Variants in FAT3 observed in about 807,000 individuals in gnomAD.
FAT3 encodes the protein FAT atypical cadherin 3, also known as protocadherin Fat 3.
In FAT3, 95 loss-of-function variants were observed where a neutral mutation model predicts 310.2. That is an observed-to-expected ratio of 0.31 (90% CI 0.26 to 0.36). The LOEUF (loss-of-function observed/expected upper bound fraction) is 0.36. Among genes scored for constraint, FAT3 ranks in the 10% least tolerant of loss-of-function variants. The pLI, the probability that FAT3 is intolerant of heterozygous loss-of-function variation, is 1.00. For synonymous variants in FAT3, 2,314 were observed against 2,192.9 expected (o/e 1.06, Z -1.54); for missense variants, 5,408 against 5,715.6 (o/e 0.95, Z 1.74).
intron 4 of FAT3, among the ~76,000 whole-genome samples, chr11:92,728,293 C>G (rs1161463246): frequency 6.6e-6 from 1 of 152,114 alleles, no homozygotes; most frequent in African/African-American, 2.4e-5. Flanking sequence ...ACCCCACAGG[C>G]AGTGTGCCTT....
At chr11:92,693,073 G>A (rs1943841363) in intron 3 of FAT3, among the ~76,000 whole-genome samples, 1 of 152,104 alleles carries the variant, frequency 6.6e-6, no homozygotes, top group Non-Finnish European at 1.5e-5. Flanking sequence ...TCAGAGAGAG[G>A]TCATTAGATT....
intron 3 of FAT3, among the ~76,000 whole-genome samples, chr11:92,596,361 T>A (rs969482177): frequency 6.6e-6 from 1 of 152,044 alleles, no homozygotes; most frequent in Non-Finnish European, 1.5e-5. Context: ...ATTTGTAGAG[T>A]CAACACAATT....
intron 10 of FAT3, among the ~76,000 whole-genome samples, chr11:92,804,200 C>G (rs1947440235): frequency 6.6e-6 from 1 of 152,106 alleles, no homozygotes; most frequent in East Asian, 1.9e-4. Context: ...TGATGTAGCC[C>G]TGCTGCCTAG....
chr11:92,428,444 G>A (rs1160086797), intron 2 of FAT3, among the ~76,000 whole-genome samples: 1 of 151,674 alleles, frequency 6.6e-6, no homozygotes, highest in Non-Finnish European at 1.5e-5. Flanking sequence ...GTTTGCTCTT[G>A]CTTCTCTAGT....
intron 2 of FAT3, among the ~76,000 whole-genome samples, chr11:92,500,842 AGTTT>A (rs1325526646): frequency 6.6e-6 from 1 of 152,048 alleles, no homozygotes; most frequent in Non-Finnish European, 1.5e-5. Context: ...TAGTAAAAAC[AGTTT>A]TAGTCTACTG....
Position 92,797,990 on chromosome 11 carries a change from T to C in FAT3, c.4977T>C (p.Ile1659=). ...TGTCTGCTACTGCAATTGTGCGCAT[T>C]TCCGTCACCATGTCTGACAATTCTC... ...PPMSATAIVR[I]SVTMSDNSHP... is the part of the protein sequence containing the mutation. Residue 1659 remains isoleucine (I), a synonymous_variant, in exon 10 of 28, where the codon ATT becomes ATC. Transcript: ENST00000525166. 6.2e-7 allele frequency: 1 copy of C among 1,613,922 alleles called. No homozygotes were observed. The highest frequency in any genetic ancestry group is 8.5e-7 in the Non-Finnish European group (1 of 1,179,862).
intron 3 of FAT3, among the ~76,000 whole-genome samples, chr11:92,679,904 T>C (rs912098338): frequency 3.3e-5 from 5 of 150,504 alleles, no homozygotes; most frequent in Admixed American, 3.3e-4. Context: ...TAGCCATTTG[T>C]ATATTTTCTT....
At chr11:92,266,738 G>A (rs987211990) in intron 1 of FAT3, among the ~76,000 whole-genome samples, 3 of 152,238 alleles carry the variant, frequency 2.0e-5, no homozygotes, top group East Asian at 3.9e-4. Flanking sequence ...ATTTTGTAGA[G>A]AGAGTGTTTC....
intron 3 of FAT3, among the ~76,000 whole-genome samples, chr11:92,574,296 C>A (rs1054363036): frequency 6.6e-6 from 1 of 152,132 alleles, no homozygotes; most frequent in Non-Finnish European, 1.5e-5. Context: ...ACCAAACATA[C>A]AAGAGACTGA....
intron 3 of FAT3, among the ~76,000 whole-genome samples, chr11:92,606,343 C>G (rs1489995541): frequency 6.6e-6 from 1 of 152,090 alleles, no homozygotes; most frequent in Non-Finnish European, 1.5e-5. Flanking sequence ...TGCAAGCATC[C>G]CTCCTTCTGC....
chr11:92,814,589 A>G lies in FAT3; in HGVS notation c.9481+4513A>G, dbSNP rs1947772118. Among the ~76,000 whole-genome samples the G allele has an allele frequency of 2.0e-5, 3 of 152,198 alleles. No individual in the cohort carries two copies. In the South Asian group the frequency reaches 6.2e-4, roughly 32 times the overall value. On this transcript the variant is annotated intron_variant, in intron 13 of 27. Transcript: ENST00000525166. The stretch of plus-strand genomic sequence containing the variant: ...GACATGACTTCATGACCCAACATTT[A>G]TAAAAAAAGGGAAGTTAAAGGGTGA...
At chr11:92,563,162 C>CA (rs1381474895) in intron 3 of FAT3, among the ~76,000 whole-genome samples, 1 of 152,172 alleles carries the variant, frequency 6.6e-6, no homozygotes, top group Non-Finnish European at 1.5e-5. Flanking sequence ...AGTCCAGTAT[C>CA]ATCTTTTGAG....
chr11:92,620,750 T>A (rs889482044), intron 3 of FAT3, among the ~76,000 whole-genome samples: 2 of 152,232 alleles, frequency 1.3e-5, no homozygotes, highest in African/African-American at 4.8e-5. Context: ...TTTATGATTA[T>A]CTTAATTCAG....
At chr11:92,565,134 C>T (rs10765554) in intron 3 of FAT3, among the ~76,000 whole-genome samples, 57,033 of 118,630 alleles carry the variant, frequency 0.48, 14,542 homozygotes, top group East Asian at 0.76. Context: ...ATTGATAGAC[C>T]GCTAGCAAGA....
At position 92,798,527 on chromosome 11, in the gene FAT3, C is replaced by T; in HGVS notation, c.5514C>T (p.Asn1838=). The change falls in exon 10 of 28, where the codon AAC becomes AAT. Residue 1838 remains asparagine (N), a synonymous_variant. Coordinates refer to ENST00000525166, the MANE Select transcript of FAT3 (RefSeq NM_001367949.2). The part of the protein sequence containing the change: ...SSTGAIRTIA[N]LDHETIAHFH... ...CAGGTGCAATCAGAACAATTGCCAA[C>T]CTGGACCATGAAACCATTGCCCATT... 6.2e-7 allele frequency: 1 copy of T among 1,613,790 alleles called. No homozygotes were observed. Among genetic ancestry groups the T allele is most frequent in the Non-Finnish European group, 8.5e-7 (1 of 1,179,826 alleles).
chr11:92,747,398 C>T (rs1945702293), intron 4 of FAT3, among the ~76,000 whole-genome samples: 1 of 152,214 alleles, frequency 6.6e-6, no homozygotes, highest in African/African-American at 2.4e-5. Context: ...GCACCATGTC[C>T]TGAGGCTGCA....
chr11:92,527,214 G>T (rs903883933), intron 3 of FAT3, among the ~76,000 whole-genome samples: 1 of 152,110 alleles, frequency 6.6e-6, no homozygotes, highest in Non-Finnish European at 1.5e-5. Flanking sequence ...AACACAGTGG[G>T]GGAAACAGAC....
intron 1 of FAT3, among the ~76,000 whole-genome samples, chr11:92,285,861 T>A (rs937752590): frequency 1.3e-5 from 2 of 152,134 alleles, no homozygotes; most frequent in Admixed American, 6.6e-5. Context: ...CAATGTGGCT[T>A]ATTTGGAGGA....
chr11:92,463,844 T>A (rs1266957724), intron 2 of FAT3, among the ~76,000 whole-genome samples: 2 of 152,230 alleles, frequency 1.3e-5, no homozygotes, highest in African/African-American at 4.8e-5. Context: ...TCCGACCCCT[T>A]TCTGTCGGTG....
Sources: gnomAD v4.1 joint callset for allele counts (sites outside exome capture counted in the v4.1 genomes callset) on GRCh38, gnomAD v4.1.1 for gene constraint, MANE v1.5 for transcripts, NCBI Gene and HGNC (gene_info 2026-07-23, HGNC 2026-07-21) for gene names.